The following ADAM12 variants were observed in gnomAD, a reference collection of about 807,000 sequenced individuals.
ADAM12 encodes the protein ADAM metallopeptidase domain 12.
Under a neutral mutation model 106.4 loss-of-function variants are expected in ADAM12, and 70 were observed. The observed-to-expected ratio is 0.66, with a 90% CI of 0.54 to 0.80. The LOEUF (loss-of-function observed/expected upper bound fraction) is 0.80. Among genes scored for constraint, ADAM12 ranks in the 30% least tolerant of loss-of-function variants. The pLI is 0.00. For missense variants in ADAM12, 1,010 were observed against 1,171.9 expected (o/e 0.86, Z 2.02); for synonymous variants, 420 against 433.5 (o/e 0.97, Z 0.39).
intron 4 of ADAM12, chr10:126,145,439 G>A (rs1045408699): frequency 6.6e-6 from 1 of 151,120 alleles, no homozygotes; most frequent in African/African-American, 2.4e-5. Flanking sequence ...AAGACTCAGT[G>A]TTTTGTTCCA....
intron 2 of ADAM12, among the ~76,000 whole-genome samples, chr10:126,310,293 C>G (rs1447377876): frequency 1.3e-5 from 2 of 151,710 alleles, no homozygotes; most frequent in Admixed American, 6.6e-5. Context: ...TGGTGGAGAA[C>G]AGGAGTGGGA....
chr10:126,379,666 C>T (rs1856422483), intron 1 of ADAM12, among the ~76,000 whole-genome samples: 1 of 151,996 alleles, frequency 6.6e-6, no homozygotes, highest in Admixed American at 6.6e-5. Context: ...CACGTTCTGC[C>T]ATGTACCCCA....
At chr10:126,256,550 A>G (rs1391803741) in intron 3 of ADAM12, among the ~76,000 whole-genome samples, 4 of 152,158 alleles carry the variant, frequency 2.6e-5, no homozygotes, top group African/African-American at 9.7e-5. Context: ...GTGGGGATTC[A>G]GCCCTGGGGC....
chr10:126,205,186 A>G (rs1957773628), intron 3 of ADAM12, among the ~76,000 whole-genome samples: 1 of 151,944 alleles, frequency 6.6e-6, no homozygotes, highest in Non-Finnish European at 1.5e-5. Context: ...CCATGATGAC[A>G]CTCTGAGCCC....
At chr10:126,385,639 T>A (rs1856635805) in intron 1 of ADAM12, among the ~76,000 whole-genome samples, 1 of 151,946 alleles carries the variant, frequency 6.6e-6, no homozygotes, top group South Asian at 2.1e-4. Flanking sequence ...ATTTGCAAAG[T>A]CTTCTTAGTG....
At chr10:126,254,019 C>T (rs2133692855) in intron 3 of ADAM12, among the ~76,000 whole-genome samples, 1 of 152,342 alleles carries the variant, frequency 6.6e-6, no homozygotes, top group Admixed American at 6.5e-5. Context: ...TCAGTCAGAG[C>T]CATTCAGTGG....
intron 2 of ADAM12, among the ~76,000 whole-genome samples, chr10:126,328,436 G>A (rs1407051414): frequency 1.3e-5 from 2 of 152,196 alleles, no homozygotes; most frequent in Non-Finnish European, 2.9e-5. Flanking sequence ...CTGGTAATGA[G>A]GACAGATACA....
At chr10:126,149,149 AAGG>A (rs1476417194) in intron 4 of ADAM12, among the ~76,000 whole-genome samples, 2 of 152,252 alleles carry the variant, frequency 1.3e-5, no homozygotes, top group African/African-American at 2.4e-5. Flanking sequence ...CCACATGGAA[AAGG>A]AGGAGAGGAA....
intron 20 of ADAM12, among the ~76,000 whole-genome samples, chr10:126,037,073 T>C (rs192524457): frequency 4.6e-5 from 7 of 152,244 alleles, no homozygotes. Flanking sequence ...CACTATCAGT[T>C]TGCATTTGTC....
Position 126,278,984 on chromosome 10 carries a change from T to C in ADAM12, c.191A>G (p.His64Arg). Reference sequence around the variant, plus strand: ...TAGTCGAATATTCAGCACTTCTGGATGATTCTGAAAGATAAACAACAAAAG... The same window carrying C: ...TAGTCGAATATTCAGCACTTCTGGACGATTCTGAAAGATAAACAACAAAAG... The part of the protein sequence containing the change: ...IPVKSFDSKN[H>R]PEVLNIRLQR... Residue 64 changes from histidine to arginine, a missense_variant, in exon 3 of 23, where the codon CAT becomes CGT. His to Arg is a conservative substitution (Grantham distance 29). This residue lies in a region of ADAM12 where 391 missense variants were observed against 442.9 expected (regional missense o/e 0.88). Coordinates refer to ENST00000448723, the MANE Select transcript of ADAM12 (RefSeq NM_001288973.2). 1 of 1,612,756 alleles carries C rather than the reference T, an allele frequency of 6.2e-7. No homozygotes were observed. The highest frequency in any genetic ancestry group is 8.5e-7 in the Non-Finnish European group (1 of 1,179,032).
intron 2 of ADAM12, among the ~76,000 whole-genome samples, chr10:126,300,262 G>A (rs1177989285): frequency 6.6e-6 from 1 of 152,144 alleles, no homozygotes; most frequent in African/African-American, 2.4e-5. Flanking sequence ...AAAGAAGGAA[G>A]GAGGCTACCA....
At chr10:126,345,586 T>C (rs1008640214) in intron 1 of ADAM12, among the ~76,000 whole-genome samples, 9 of 152,222 alleles carry the variant, frequency 5.9e-5, no homozygotes, top group Admixed American at 2.0e-4. Context: ...TGGAATAGTT[T>C]CAGAAGGAAT....
At chr10:126,223,006 C>T (rs1313913841) in intron 3 of ADAM12, among the ~76,000 whole-genome samples, 1 of 152,206 alleles carries the variant, frequency 6.6e-6, no homozygotes, top group African/African-American at 2.4e-5. Flanking sequence ...ACTAATTGTT[C>T]CTGCGTTCTT....
intron 3 of ADAM12, among the ~76,000 whole-genome samples, chr10:126,180,075 C>G (rs1409092031): frequency 6.6e-6 from 1 of 152,170 alleles, no homozygotes; most frequent in Non-Finnish European, 1.5e-5. Context: ...ACAATACAGA[C>G]AATATCATCA....
chr10:126,369,459 G>A (rs1856034812), intron 1 of ADAM12, among the ~76,000 whole-genome samples: 1 of 152,146 alleles, frequency 6.6e-6, no homozygotes, highest in South Asian at 2.1e-4. Flanking sequence ...TCCTTGACTG[G>A]GGTTGGGTGG....
chr10:126,331,937 C>T (rs1854526084), intron 1 of ADAM12, among the ~76,000 whole-genome samples: 1 of 152,190 alleles, frequency 6.6e-6, no homozygotes, highest in African/African-American at 2.4e-5. Flanking sequence ...AGAAGTCCTT[C>T]TCCTGGCTGC....
At chr10:126,192,013 A>C (rs772706248) in intron 3 of ADAM12, among the ~76,000 whole-genome samples, 4 of 152,120 alleles carry the variant, frequency 2.6e-5, no homozygotes, top group Non-Finnish European at 4.4e-5. Context: ...TGATCTGGTG[A>C]GCACTTATTC....
At chr10:126,322,229 T>C (rs909429252) in intron 2 of ADAM12, among the ~76,000 whole-genome samples, 2 of 152,164 alleles carry the variant, frequency 1.3e-5, no homozygotes, top group Middle Eastern at 3.2e-3. Context: ...AACAGCCCAG[T>C]TGAGTCGCTT....
At chr10:126,077,838 T>C (rs1023697445) in intron 11 of ADAM12, among the ~76,000 whole-genome samples, 3 of 152,184 alleles carry the variant, frequency 2.0e-5, no homozygotes, top group Non-Finnish European at 2.9e-5. Flanking sequence ...AAACTGCTTT[T>C]TAAGCAGGCA....
Sources: allele counts gnomAD v4.1 joint callset (sites outside exome capture counted in the v4.1 genomes callset), GRCh38; gene constraint gnomAD v4.1.1; regional missense constraint gnomAD v4.1.1; transcripts MANE v1.5; gene names NCBI Gene and HGNC (gene_info 2026-07-23, HGNC 2026-07-21).